Variants in GPC5 observed in about 807,000 individuals in gnomAD.
GPC5 encodes the protein glypican 5.
In GPC5, 47 loss-of-function variants were observed where a neutral mutation model predicts 53.9. The observed-to-expected ratio is 0.87, with a 90% CI of 0.69 to 1.11. The LOEUF (loss-of-function observed/expected upper bound fraction) is 1.11. Ranked by LOEUF, GPC5 falls within the 50% of genes most tolerant of loss-of-function variation. GPC5 has a pLI of 0.00. For missense variants in GPC5, 748 were observed against 713.1 expected (o/e 1.05, Z -0.56); for synonymous variants, 286 against 263.3 (o/e 1.09, Z -0.84).
intron 7 of GPC5, among the ~76,000 whole-genome samples, chr13:92,561,007 T>C (rs1882678059): frequency 6.6e-6 from 1 of 151,774 alleles, no homozygotes. Context: ...ACATTGAAAA[T>C]AAAACACAAT....
intron 7 of GPC5, among the ~76,000 whole-genome samples, chr13:92,357,019 C>T (rs2043528055): frequency 6.8e-6 from 1 of 148,106 alleles, no homozygotes; most frequent in South Asian, 2.1e-4. Flanking sequence ...CCTTCAACTC[C>T]ATCCATGTTC....
chr13:92,407,583 T>C (rs1875849423), intron 7 of GPC5, among the ~76,000 whole-genome samples: 1 of 152,176 alleles, frequency 6.6e-6, no homozygotes, highest in Admixed American at 6.5e-5. Flanking sequence ...ACAATAACGC[T>C]TTTTCTCTAT....
At chr13:92,081,511 T>C (rs551439212) in intron 6 of GPC5, among the ~76,000 whole-genome samples, 3 of 152,344 alleles carry the variant, frequency 2.0e-5, no homozygotes, top group Admixed American at 6.5e-5. Flanking sequence ...TCAGATTTTT[T>C]TTTTATTTTA....
chr13:92,683,444 C>T (rs186911372), intron 7 of GPC5, among the ~76,000 whole-genome samples: 49 of 152,184 alleles, frequency 3.2e-4, no homozygotes, highest in African/African-American at 9.1e-4. Flanking sequence ...GTTGAAGAAC[C>T]GCTACTTATG....
At chr13:92,400,280 T>C (rs1400955062) in intron 7 of GPC5, among the ~76,000 whole-genome samples, 2 of 152,148 alleles carry the variant, frequency 1.3e-5, no homozygotes, top group Admixed American at 6.6e-5. Context: ...TCTAGAGACA[T>C]GCTTAGTCTA....
chr13:92,005,379 C>T (rs1031729071), intron 6 of GPC5, among the ~76,000 whole-genome samples: 9 of 152,216 alleles, frequency 5.9e-5, no homozygotes, highest in South Asian at 2.1e-4. Flanking sequence ...GCCTTGATTT[C>T]TCCTCCCGTT....
chr13:91,763,594 C>T (rs2037460879), intron 5 of GPC5, among the ~76,000 whole-genome samples: 2 of 152,168 alleles, frequency 1.3e-5, no homozygotes, highest in Admixed American at 6.5e-5. Context: ...GCAGATTACA[C>T]ATTCTAGGTT....
chr13:92,141,693 G>A (rs2041832125), intron 6 of GPC5, among the ~76,000 whole-genome samples: 1 of 152,150 alleles, frequency 6.6e-6, no homozygotes, highest in Admixed American at 6.5e-5. Flanking sequence ...CCACAGATGA[G>A]AAGTCTGGGT....
At chr13:91,511,963 C>T (rs1885252786) in intron 2 of GPC5, among the ~76,000 whole-genome samples, 1 of 151,986 alleles carries the variant, frequency 6.6e-6, no homozygotes, top group Non-Finnish European at 1.5e-5. Flanking sequence ...TGAGAATGTA[C>T]CCCCACAAAG....
At chr13:92,475,489 T>A (rs1454765066) in intron 7 of GPC5, among the ~76,000 whole-genome samples, 1 of 149,914 alleles carries the variant, frequency 6.7e-6, no homozygotes, top group African/African-American at 2.5e-5. Context: ...TCACTCATGA[T>A]TTGGCTCTCT....
chr13:91,958,431 T>C (rs186240494), intron 6 of GPC5, among the ~76,000 whole-genome samples: 3 of 152,188 alleles, frequency 2.0e-5, no homozygotes, highest in Admixed American at 2.0e-4. Context: ...ACAATAATAG[T>C]TGGGGACTTC....
rs565705289 is a variant in GPC5 at position 91,568,561 on chromosome 13, GA to G, written c.325+119650del. ...CTAGGGAAAAAGTAGAGCTTTTATTGAAAAAAAAAAAGGCATGAAAGTTTAG... is the reference window on the plus strand; with the variant it reads ...CTAGGGAAAAAGTAGAGCTTTTATTGAAAAAAAAAAGGCATGAAAGTTTAG... On this transcript the variant is annotated intron_variant, in intron 2 of 7. Transcript: ENST00000377067. Among the ~76,000 whole-genome samples, 646 of 141,226 alleles carry G rather than the reference GA, an allele frequency of 4.6e-3. 3 individuals are homozygous for G. The highest frequency in any genetic ancestry group is 0.018 in the Middle Eastern group (5 of 278). The allele number at this position is 141,226 out of a possible 152,430, so 92.6% of individuals were successfully genotyped here. A position where few individuals can be genotyped will look rare whatever the true frequency, so the allele number is the denominator to read the frequency against.
At position 91,512,422 on chromosome 13, in the gene GPC5, C is replaced by G. The variant is rs920101668; in HGVS notation, c.325+63500C>G. Among the ~76,000 whole-genome samples the G allele has an allele frequency of 3.0e-4, 46 of 152,206 alleles. 1 individual carries two copies. The highest frequency in any genetic ancestry group is 2.4e-3 in the Admixed American group (36 of 15,284). ...TTGGGGGGATTTTTTCAGCTTTCCTCTCATGCTCAGCATTTGTAGAGCAGC... is the reference window on the plus strand; with the variant it reads ...TTGGGGGGATTTTTTCAGCTTTCCTGTCATGCTCAGCATTTGTAGAGCAGC... On this transcript the variant is annotated intron_variant, in intron 2 of 7. Coordinates refer to ENST00000377067, the MANE Select transcript of GPC5 (RefSeq NM_004466.6).
At chr13:92,189,472 C>A (rs915335031) in intron 7 of GPC5, among the ~76,000 whole-genome samples, 13 of 152,212 alleles carry the variant, frequency 8.5e-5, no homozygotes, top group African/African-American at 3.1e-4. Context: ...CACTAAAAGA[C>A]TGACCCTAAA....
chr13:92,830,104 C>A (rs904654277), intron 7 of GPC5, among the ~76,000 whole-genome samples: 3 of 152,114 alleles, frequency 2.0e-5, no homozygotes, highest in African/African-American at 7.2e-5. Context: ...CTGTTTCTAA[C>A]TGAATATGCA....
chr13:91,407,176 G>A (rs1877386711), intron 1 of GPC5, among the ~76,000 whole-genome samples: 1 of 152,144 alleles, frequency 6.6e-6, no homozygotes, highest in Non-Finnish European at 1.5e-5. Context: ...AATATAGAGA[G>A]TGAAGTTCCT....
chr13:92,282,785 A>T (rs1301937393), intron 7 of GPC5, among the ~76,000 whole-genome samples: 1 of 152,228 alleles, frequency 6.6e-6, no homozygotes, highest in Non-Finnish European at 1.5e-5. Context: ...CCACTGCAAT[A>T]ACATGCCAAA....
chr13:91,665,195 A>C (rs1481919958), intron 2 of GPC5, among the ~76,000 whole-genome samples: 2 of 152,252 alleles, frequency 1.3e-5, no homozygotes, highest in Admixed American at 1.3e-4. Context: ...TCATGCTACA[A>C]AATGCTTTCA....
intron 2 of GPC5, among the ~76,000 whole-genome samples, chr13:91,666,067 G>T (rs1443501835): frequency 1.3e-5 from 2 of 152,110 alleles, no homozygotes; most frequent in Admixed American, 1.3e-4. Context: ...TTTCATATAT[G>T]CCCTCTTATT....
Sources: allele counts gnomAD v4.1 joint callset (sites outside exome capture counted in the v4.1 genomes callset), GRCh38; gene constraint gnomAD v4.1.1; transcripts MANE v1.5; gene names NCBI Gene and HGNC (gene_info 2026-07-23, HGNC 2026-07-21).